RNASET2: variants seen among roughly 807,000 people sequenced by gnomAD.
RNASET2 encodes the protein ribonuclease T2, also known as ribonuclease 6.
In RNASET2, 28 loss-of-function variants were observed where a neutral mutation model predicts 33.9. The ratio of observed to expected loss-of-function variants is 0.83; its 90% CI spans 0.61 to 1.13. The LOEUF is 1.13. Ranked by LOEUF, RNASET2 falls within the 50% of genes most tolerant of loss-of-function variation. The pLI is 0.00. For synonymous variants in RNASET2, 123 were observed against 121.0 expected, an observed-to-expected ratio of 1.02 and a Z score of -0.11; for missense variants, 330 against 319.9, an observed-to-expected ratio of 1.03 and a Z score of -0.24.
chr6:166,950,710 G>A (rs989246633), intron 2 of RNASET2, among the ~76,000 whole-genome samples: 4 of 152,252 alleles, frequency 2.6e-5, no homozygotes, highest in Non-Finnish European at 5.9e-5. Context: ...GGACACTGAC[G>A]CACTGAAGGG....
intron 2 of RNASET2, among the ~76,000 whole-genome samples, chr6:166,951,085 AGT>A (rs1487000079): frequency 6.6e-6 from 1 of 152,162 alleles, no homozygotes; most frequent in African/African-American, 2.4e-5. Context: ...CAGGGTAAGG[AGT>A]GTGAGTCATC....
In RNASET2 at chr6:166,929,345, GA is replaced by G. The variant is rs58694992; in HGVS notation, c.*242del. 2.5e-4 allele frequency among the ~76,000 whole-genome samples: 36 copies of G among 146,330 alleles called. No homozygotes were observed. The highest frequency in any genetic ancestry group is 4.8e-4 in the Admixed American group (7 of 14,646). On this transcript the variant is annotated 3_prime_UTR_variant, in exon 9 of 9. Coordinates refer to ENST00000508775, the MANE Select transcript of RNASET2 (RefSeq NM_003730.6). ...CCAGGGCACTGAAGAGTTTAATAGA[GA>G]AAAAAAAAAACAATCTGTGAGCTTT... is the stretch of plus-strand genomic sequence containing the variant.
At chr6:166,955,300 GCACACACGACACACACGCA>G (rs1294570358) in intron 1 of RNASET2, among the ~76,000 whole-genome samples, 5 of 53,182 alleles carry the variant, frequency 9.4e-5, no homozygotes, top group Admixed American at 1.9e-4. Context: ...GCACAGACGC[GCACACACGACACACACGCA>G]CACACACGCA....
intron 2 of RNASET2, among the ~76,000 whole-genome samples, chr6:166,949,249 A>AT (rs1173687332): frequency 1.3e-5 from 2 of 148,940 alleles, no homozygotes; most frequent in Non-Finnish European, 3.0e-5. Context: ...CACGCCTGTA[A>AT]TCTCAGCACT....
Position 166,956,116 on chromosome 6 carries a change from C to G in RNASET2, c.67G>C (p.Gly23Arg). The G allele has an allele frequency of 6.4e-7, 1 of 1,552,388 alleles. No homozygotes were observed. Among genetic ancestry groups the G allele is most frequent in the Non-Finnish European group, 8.7e-7 (1 of 1,147,318 alleles). The change falls in exon 1 of 9, where the codon GGT becomes CGT. Residue 23 changes from glycine to arginine, a missense_variant. Gly to Arg is a moderately radical substitution (Grantham distance 125). Transcript: ENST00000508775. ...CLCLALLCLG[G>R]ADKRLRDNHE... ...ACTCACCGCAGGCGCTTGTCCGCACCGCCCAGGCAAAGCAACGCCAGGCAG... is the reference window on the plus strand; with the variant it reads ...ACTCACCGCAGGCGCTTGTCCGCACGGCCCAGGCAAAGCAACGCCAGGCAG...
At chr6:166,954,912 A>C (rs1162438044) in intron 1 of RNASET2, among the ~76,000 whole-genome samples, 1 of 151,798 alleles carries the variant, frequency 6.6e-6, no homozygotes, top group Non-Finnish European at 1.5e-5. Context: ...AATCGCTTGA[A>C]CCCGGGAGGT....
Position 166,933,751 on chromosome 6 carries a change from G to T in RNASET2, c.492+340C>A. On this transcript the variant is annotated intron_variant, in intron 7 of 8. Coordinates refer to ENST00000508775, the MANE Select transcript of RNASET2 (RefSeq NM_003730.6). This position sits in a 1 kb window ranked among gnomAD's most constrained non-coding sequence, Gnocchi z 4.1. ...ATAAAACAAATCACAATTTTATCAT[G>T]AAAACAAACCACAAACAAATATAAG... 1 of 318,516 alleles carries T rather than the reference G, an allele frequency of 3.1e-6. No homozygotes were observed. 19.7% of individuals were successfully genotyped at this position (318,516 alleles called of 1,614,324 possible).
At chr6:166,934,777 G>C (rs1778527246) in intron 6 of RNASET2, 1 of 152,728 alleles carries the variant, frequency 6.5e-6, no homozygotes, top group Admixed American at 6.5e-5. Flanking sequence ...AGCTAAGTAA[G>C]TGCACTCCAA....
intron 3 of RNASET2, 162 bp from the exon 4 acceptor site, chr6:166,946,901 T>C (rs2236313): frequency 0.48 from 334,470 of 691,096 alleles, 84,511 homozygotes; most frequent in South Asian, 0.66. Context: ...AGAAAGAAGA[T>C]GCAGGTAAGA....
Position 166,929,380 on chromosome 6 carries a change from C to A in RNASET2, c.*208G>T. On this transcript the variant is annotated 3_prime_UTR_variant, in exon 9 of 9. Coordinates refer to ENST00000508775, the MANE Select transcript of RNASET2 (RefSeq NM_003730.6). Reference sequence around the variant, plus strand: ...AACAATCTGTGAGCTTTATCCCAAGCACAAAACAGCCACTCAGGCGTGGGA... The same window carrying A: ...AACAATCTGTGAGCTTTATCCCAAGAACAAAACAGCCACTCAGGCGTGGGA... 1 of 635,822 alleles carries A rather than the reference C, an allele frequency of 1.6e-6. No individual in the cohort carries two copies. 39.4% of individuals were successfully genotyped at this position (635,822 alleles called of 1,614,324 possible).
chr6:166,932,449 A>C (rs1231021976), intron 7 of RNASET2: 3 of 150,840 alleles, frequency 2.0e-5, no homozygotes, highest in African/African-American at 7.3e-5. Flanking sequence ...CCCAGCCCCC[A>C]GCCCCCAGCT....
Position 166,929,662 on chromosome 6 carries a change from C to A in RNASET2, c.697G>T (p.Ala233Ser), listed in dbSNP as rs149922066. Residue 233 changes from alanine to serine, a missense_variant, in exon 9 of 9, where the codon GCC (alanine) becomes TCC (serine). Transcript: ENST00000508775. ...CAGACTCTCAGACCCCGGCTCTCGG[C>A]GGCCCCATTTGCCAGCCAGACTTCC... ...KQEVWLANGA[A>S]ESRGLRVCED... is the part of the protein sequence containing the mutation. 2 of 1,614,092 alleles carry A rather than the reference C, an allele frequency of 1.2e-6. No individual in the cohort carries two copies. Among genetic ancestry groups the A allele is most frequent in the Admixed American group, 1.7e-5 (1 of 60,026 alleles).
chr6:166,936,228 CTGAA>C (rs546247226), intron 6 of RNASET2, among the ~76,000 whole-genome samples: 8 of 152,104 alleles, frequency 5.3e-5, no homozygotes, highest in Non-Finnish European at 1.0e-4. Context: ...TGAACATTTA[CTGAA>C]TGAATGAATG....
intron 2 of RNASET2, among the ~76,000 whole-genome samples, chr6:166,951,786 A>T (rs535887441): frequency 2.6e-5 from 4 of 152,260 alleles, no homozygotes; most frequent in African/African-American, 9.6e-5. Flanking sequence ...CATTTTATAT[A>T]TTTTCTTTAT....
Position 166,926,989 on chromosome 6 carries a change from C to A in RNASET2, c.*2599G>T, listed in dbSNP as rs892685223. 1.2e-4 allele frequency among the ~76,000 whole-genome samples: 19 copies of A among 152,252 alleles called. 1 individual carries two copies. In the East Asian group the frequency reaches 3.5e-3, roughly 28 times the overall value. Reference sequence around the variant, plus strand: ...AGACACTTGTACCCCCAGCTCTGATCCCAGAGCCTGGCCTGCTCCTCCTTC... The same window carrying A: ...AGACACTTGTACCCCCAGCTCTGATACCAGAGCCTGGCCTGCTCCTCCTTC... On this transcript the variant is annotated 3_prime_UTR_variant, in exon 9 of 9. Transcript: ENST00000508775.
At chr6:166,948,144 G>A (rs1434792539) in intron 3 of RNASET2, among the ~76,000 whole-genome samples, 4 of 152,012 alleles carry the variant, frequency 2.6e-5, no homozygotes, top group South Asian at 2.1e-4. Flanking sequence ...TCAGGAGGTC[G>A]AGACCAGCCT....
intron 4 of RNASET2, among the ~76,000 whole-genome samples, chr6:166,946,440 C>T (rs1275775797): frequency 6.6e-6 from 1 of 152,222 alleles, no homozygotes; most frequent in Non-Finnish European, 1.5e-5. Flanking sequence ...GAGCCCCTCG[C>T]TCAGGCCCCT....
In RNASET2 at chr6:166,923,944, C is replaced by G. The variant is rs1185422089; in HGVS notation, c.*5644G>C. 6.6e-6 allele frequency among the ~76,000 whole-genome samples: 1 copy of G among 152,208 alleles called. No individual in the cohort carries two copies. The highest frequency in any genetic ancestry group is 2.4e-5 in the African/African-American group (1 of 41,442). ...TCTGAAAATATTTTACATTACAATTCTCAGCTGCCTTAGGACCTGCATTAA... is the reference window on the plus strand; with the variant it reads ...TCTGAAAATATTTTACATTACAATTGTCAGCTGCCTTAGGACCTGCATTAA... On this transcript the variant is annotated 3_prime_UTR_variant, in exon 9 of 9. Coordinates refer to ENST00000508775, the MANE Select transcript of RNASET2 (RefSeq NM_003730.6).
intron 8 of RNASET2, 137 bp downstream of exon 8, chr6:166,930,907 C>A: frequency 1.3e-6 from 1 of 743,800 alleles, no homozygotes; most frequent in Non-Finnish European, 2.5e-6. Flanking sequence ...CACACACACA[C>A]CACATGCCCA....
Sources: gnomAD v4.1 joint callset for allele counts (sites outside exome capture counted in the v4.1 genomes callset) on GRCh38, gnomAD v4.1.1 for gene constraint, Gnocchi (gnomAD v3.1) non-coding constraint, MANE v1.5 for transcripts, NCBI Gene and HGNC (gene_info 2026-07-23, HGNC 2026-07-21) for gene names.